Variants in ZNRF3 observed in about 807,000 individuals in gnomAD.
ZNRF3 encodes the protein zinc and ring finger 3.
ZNRF3 carries 23 observed loss-of-function variants against 72.5 expected under a neutral mutation model. The ratio of observed to expected loss-of-function variants is 0.32; its 90% CI spans 0.23 to 0.45. The LOEUF (loss-of-function observed/expected upper bound fraction) is 0.45. ZNRF3 is among the 20% of genes least tolerant of loss of function. The pLI is 1.00. For missense variants in ZNRF3, 1,169 were observed against 1,272.1 expected (o/e 0.92, Z 1.23); for synonymous variants, 610 against 545.3 (o/e 1.12, Z -1.65).
rs34796724 is a variant in ZNRF3, at chr22:29,016,014, CA to C, written c.427-26466del. On this transcript the variant is annotated intron_variant, in intron 2 of 8. Coordinates refer to ENST00000544604, the MANE Select transcript of ZNRF3 (RefSeq NM_001206998.2). The stretch of plus-strand genomic sequence containing the variant: ...CTGGGCAACAAGAGTGAAACTGTCT[CA>C]AAAAAAAAAAAAAACAAAAAAACTG... Among the ~76,000 whole-genome samples, 220 of 102,436 alleles carry C rather than the reference CA, an allele frequency of 2.1e-3. 1 individual carries two copies. The highest frequency in any genetic ancestry group is 5.8e-3 in the African/African-American group (154 of 26,370). 67.2% of individuals were successfully genotyped at this position (102,436 alleles called of 152,430 possible).
Position 28,930,022 on chromosome 22 carries a change from TTTTA to T in ZNRF3, c.300+45960_300+45963del, listed in dbSNP as rs1231211477. On this transcript the variant is annotated intron_variant, in intron 1 of 8. Transcript: ENST00000544604. ...TGAAAATGTACATTTCTGATGGGTT[TTTTA>T]TTTGTTTGTTTTTTCAAAGCAGAAC... is the stretch of plus-strand genomic sequence containing the variant. 4.6e-5 allele frequency among the ~76,000 whole-genome samples: 7 copies of T among 152,310 alleles called. No homozygotes were observed. The East Asian group carries it at 5.8e-4, about 13-fold the overall frequency.
At position 29,023,620 on chromosome 22, in the gene ZNRF3, C is replaced by T. The variant is rs151275454; in HGVS notation, c.427-18875C>T. On this transcript the variant is annotated intron_variant, in intron 2 of 8. Transcript: ENST00000544604. ...ATATTAGCTCCCACAAATGGAGAAG[C>T]AGGCTCAGTCTCTCCTTGGGTGTGC... Among the ~76,000 whole-genome samples, 7 of 152,300 alleles carry T rather than the reference C, an allele frequency of 4.6e-5. No individual in the cohort carries two copies. In the East Asian group the frequency reaches 1.2e-3, roughly 25 times the overall value.
intron 2 of ZNRF3, among the ~76,000 whole-genome samples, chr22:29,006,499 A>G (rs999580801): frequency 2.0e-4 from 31 of 152,258 alleles, no homozygotes; most frequent in African/African-American, 7.2e-4. Flanking sequence ...GGTGTGAGCC[A>G]CCGCACCTGG....
rs2037250341 is a variant in ZNRF3, at chr22:29,053,694, AAAAC to A, written c.*76_*79del. The A allele has an allele frequency of 1.3e-6, 2 of 1,490,394 alleles. No individual in the cohort carries two copies. Among genetic ancestry groups the A allele is most frequent in the South Asian group, 1.3e-5 (1 of 79,680 alleles). The allele number at this position is 1,490,394 out of a possible 1,614,324, so 92.3% of individuals were successfully genotyped here. A position where few individuals can be genotyped will look rare whatever the true frequency, so the allele number is the denominator to read the frequency against. On this transcript the variant is annotated 3_prime_UTR_variant, in exon 9 of 9. Coordinates refer to ENST00000544604, the MANE Select transcript of ZNRF3 (RefSeq NM_001206998.2). ...CCAAACTGACTTCTTTCAAAAAACA[AAAAC>A]AAAAAATTTTTTTAGCTTTGACAAA... is the stretch of plus-strand genomic sequence containing the variant.
intron 1 of ZNRF3, among the ~76,000 whole-genome samples, chr22:28,980,961 C>G (rs1050256376): frequency 6.6e-6 from 1 of 152,186 alleles, no homozygotes; most frequent in African/African-American, 2.4e-5. Flanking sequence ...AAGCATCTGA[C>G]TAGGAAAGCC....
chr22:28,999,546 G>A (rs1365083995), intron 2 of ZNRF3, among the ~76,000 whole-genome samples: 1 of 152,144 alleles, frequency 6.6e-6, no homozygotes, highest in East Asian at 1.9e-4. Flanking sequence ...TACCAGTATC[G>A]GGTCAGTTGG....
At position 28,987,081 on chromosome 22, in the gene ZNRF3, C is replaced by T; in HGVS notation, c.306C>T (p.His102=). ...CTTTCCATTTTATTTCCTAGATGCACCCACTGGGCCTATGTAATAACAATG... is the reference window on the plus strand; with the variant it reads ...CTTTCCATTTTATTTCCTAGATGCATCCACTGGGCCTATGTAATAACAATG... ...LSAEGEIVQM[H]PLGLCNNNDE... is the part of the protein sequence containing the mutation. The change falls in exon 2 of 9, where the codon CAC becomes CAT. Residue 102 remains histidine (H), a synonymous_variant. Coordinates refer to ENST00000544604, the MANE Select transcript of ZNRF3 (RefSeq NM_001206998.2). 1 of 1,607,368 alleles carries T rather than the reference C, an allele frequency of 6.2e-7. No homozygotes were observed. Among genetic ancestry groups the T allele is most frequent in the East Asian group, 2.2e-5 (1 of 44,602 alleles).
chr22:28,931,637 C>T (rs1318507081), intron 1 of ZNRF3, among the ~76,000 whole-genome samples: 1 of 152,174 alleles, frequency 6.6e-6, no homozygotes, highest in Non-Finnish European at 1.5e-5. Flanking sequence ...GTCCACCCAT[C>T]TGTCCATCTG....
At chr22:29,043,239 CT>C in intron 3 of ZNRF3, 59 bp from the exon 4 acceptor site, 1 of 1,567,788 alleles carries the variant, frequency 6.4e-7, no homozygotes, top group Non-Finnish European at 8.6e-7. Flanking sequence ...GCCTTTCTTT[CT>C]CTCTACTGCT....
At position 29,050,414 on chromosome 22, in the gene ZNRF3, C is replaced by T. The variant is rs550448388; in HGVS notation, c.2233C>T (p.Pro745Ser). Residue 745 changes from proline (P) to serine (S), a missense_variant, in exon 8 of 9, where the codon CCG becomes TCG. Pro to Ser is a moderately conservative substitution (Grantham distance 74, BLOSUM62 -1). Transcript: ENST00000544604. Reference sequence around the variant, plus strand: ...GCCCCACCTCTACGAGGGCTCTGGCCCGGCGGGTGGGGAGCCCCAGTCAGG... The same window carrying T: ...GCCCCACCTCTACGAGGGCTCTGGCTCGGCGGGTGGGGAGCCCCAGTCAGG... ...LGPHLYEGSGPAGGEPQSGSS... is the reference protein window; with the variant it reads ...LGPHLYEGSGSAGGEPQSGSS... 1.2e-6 allele frequency: 2 copies of T among 1,606,772 alleles called. No homozygotes were observed. The highest frequency in any genetic ancestry group is 1.3e-5 in the African/African-American group (1 of 74,932).
At chr22:29,052,433 G>T (rs757308880) in intron 8 of ZNRF3, among the ~76,000 whole-genome samples, 2 of 152,164 alleles carry the variant, frequency 1.3e-5, no homozygotes, top group Non-Finnish European at 2.9e-5. Context: ...GGTGATTCAC[G>T]CCTGTAATCC....
intron 1 of ZNRF3, among the ~76,000 whole-genome samples, chr22:28,903,421 C>T (rs1483373120): frequency 6.6e-6 from 1 of 152,212 alleles, no homozygotes; most frequent in Non-Finnish European, 1.5e-5. Flanking sequence ...TTACGTGGGA[C>T]TTGGGGCAAG....
intron 1 of ZNRF3, among the ~76,000 whole-genome samples, chr22:28,888,925 G>T (rs1050314203): frequency 1.1e-4 from 16 of 152,072 alleles, no homozygotes; most frequent in Non-Finnish European, 1.9e-4. Context: ...AGACCAGCCT[G>T]GCCAATATGG....
In ZNRF3 at chr22:29,050,275, G is replaced by A; in HGVS notation, c.2094G>A (p.Arg698=). 1 of 1,598,046 alleles carries A rather than the reference G, an allele frequency of 6.3e-7. No individual in the cohort carries two copies. The highest frequency in any genetic ancestry group is 8.5e-7 in the Non-Finnish European group (1 of 1,178,698). ...EASPGAAPDL[R]RTWKGGHELP... ...CTCCTGGGGCCGCCCCTGACCTCAG[G>A]AGGACCTGGAAGGGGGGCCACGAGT... The change falls in exon 8 of 9, where the codon AGG becomes AGA. Residue 698 remains arginine, a synonymous_variant. Transcript: ENST00000544604.
chr22:28,926,322 C>T (rs2034599503), intron 1 of ZNRF3, among the ~76,000 whole-genome samples: 1 of 152,118 alleles, frequency 6.6e-6, no homozygotes, highest in Non-Finnish European at 1.5e-5. Flanking sequence ...AGAAAAATCT[C>T]TAAACAGTAT....
At chr22:28,926,514 G>C (rs2034604542) in intron 1 of ZNRF3, among the ~76,000 whole-genome samples, 4 of 148,600 alleles carry the variant, frequency 2.7e-5, no homozygotes. Flanking sequence ...ATTTTTTAAA[G>C]TCAATAAAAT....
At chr22:29,018,462 T>G (rs2036474587) in intron 2 of ZNRF3, 1 of 161,012 alleles carries the variant, frequency 6.2e-6, no homozygotes, top group Non-Finnish European at 1.4e-5. Flanking sequence ...TGACTCTGAC[T>G]TTGAACTGGA....
At chr22:28,918,537 C>CATGTGTGTGTGT (rs1451651910) in intron 1 of ZNRF3, among the ~76,000 whole-genome samples, 5 of 148,744 alleles carry the variant, frequency 3.4e-5, no homozygotes, top group Admixed American at 6.7e-5. Flanking sequence ...TGCATGTGTG[C>CATGTGTGTGTGT]GTGTGTGTGT....
At chr22:29,010,479 C>T (rs1052598455) in intron 2 of ZNRF3, among the ~76,000 whole-genome samples, 2 of 152,100 alleles carry the variant, frequency 1.3e-5, no homozygotes, top group African/African-American at 2.4e-5. Context: ...CTACATACCA[C>T]GTTTTGGTTA....
Sources: gnomAD v4.1 joint callset for allele counts (sites outside exome capture counted in the v4.1 genomes callset) on GRCh38, gnomAD v4.1.1 for gene constraint, MANE v1.5 for transcripts, NCBI Gene and HGNC (gene_info 2026-07-23, HGNC 2026-07-21) for gene names.